CABIN1: variants seen among roughly 807,000 people sequenced by gnomAD.
CABIN1 encodes the protein calcineurin binding protein 1.
CABIN1 carries 133 observed loss-of-function variants against 227.7 expected under a neutral mutation model. That is an observed-to-expected ratio of 0.58 (90% CI 0.51 to 0.67). The LOEUF is 0.67. Among genes scored for constraint, CABIN1 ranks in the 30% least tolerant of loss-of-function variants. The pLI is 0.00. For synonymous variants in CABIN1, 1,086 were observed against 1,155.1 expected (o/e 0.94, Z 1.21); for missense variants, 2,408 against 2,852.5 (o/e 0.84, Z 3.55).
chr22:24,061,077 C>G (rs987349427), intron 12 of CABIN1, among the ~76,000 whole-genome samples: 1 of 152,172 alleles, frequency 6.6e-6, no homozygotes, highest in African/African-American at 2.4e-5. Context: ...GCCACCATGC[C>G]TGGCCTATGA....
chr22:24,014,534 A>C (rs997575904), intron 1 of CABIN1, among the ~76,000 whole-genome samples: 2 of 151,554 alleles, frequency 1.3e-5, no homozygotes, highest in African/African-American at 4.9e-5. Flanking sequence ...TCTTTAGCCT[A>C]TCCAGTCAAG....
chr22:24,042,015 A>C (rs1345588577), intron 5 of CABIN1, among the ~76,000 whole-genome samples: 3 of 152,218 alleles, frequency 2.0e-5, no homozygotes, highest in African/African-American at 7.2e-5. Context: ...GCAGTGGCAC[A>C]ATCAGGGCTC....
intron 1 of CABIN1, among the ~76,000 whole-genome samples, chr22:24,020,882 A>T (rs1188127431): frequency 6.6e-6 from 1 of 152,102 alleles, no homozygotes; most frequent in Non-Finnish European, 1.5e-5. Flanking sequence ...CTGGAGAAGA[A>T]TATATCATTT....
intron 29 of CABIN1, among the ~76,000 whole-genome samples, chr22:24,138,279 C>T (rs965925351): frequency 6.6e-6 from 1 of 152,240 alleles, no homozygotes; most frequent in Non-Finnish European, 1.5e-5. Context: ...ATTTAAGAGA[C>T]AGCATCGTGC....
At chr22:24,149,505 G>C (rs2045356928) in intron 29 of CABIN1, among the ~76,000 whole-genome samples, 1 of 152,250 alleles carries the variant, frequency 6.6e-6, no homozygotes, top group Admixed American at 6.5e-5. Flanking sequence ...AGGTCAGTGG[G>C]GGAGAAGGTG....
chr22:24,054,759 A>G, intron 8 of CABIN1, 114 bp from the exon 9 acceptor site: 2 of 1,305,632 alleles, frequency 1.5e-6, no homozygotes, highest in Admixed American at 1.7e-5. Flanking sequence ...CCCCATGGAC[A>G]TGGCAGCTCC....
At chr22:24,175,109 A>T (rs1275674876) in intron 34 of CABIN1, among the ~76,000 whole-genome samples, 1 of 152,210 alleles carries the variant, frequency 6.6e-6, no homozygotes, top group Non-Finnish European at 1.5e-5. Context: ...ATCCTTTTCT[A>T]TTCCCATTCC....
chr22:24,099,204 A>G (rs1249385546), intron 26 of CABIN1, among the ~76,000 whole-genome samples: 1 of 152,194 alleles, frequency 6.6e-6, no homozygotes, highest in Admixed American at 6.5e-5. Flanking sequence ...GTTCCTGGAT[A>G]TAGCATGGGC....
rs767751430 is a variant in CABIN1, at chr22:24,176,188, A to G, written c.6118A>G (p.Met2040Val). Residue 2040 changes from methionine to valine, a missense_variant, in exon 35 of 37, where the codon ATG becomes GTG. Physicochemically the swap from Met to Val is conservative, Grantham distance 21. Coordinates refer to ENST00000263119, the MANE Select transcript of CABIN1 (RefSeq NM_012295.4). The stretch of plus-strand genomic sequence containing the variant: ...GCCACGGCACAGTCCGCAGGTGAAG[A>G]TGGCCCCCACAAGTTCCCCGGCAGA... ...QEPRHSPQVK[M>V]APTSSPAEPH... 1.6e-5 allele frequency: 25 copies of G among 1,611,318 alleles called. No individual in the cohort carries two copies. The South Asian group carries it at 2.5e-4, about 16-fold the overall frequency.
intron 8 of CABIN1, among the ~76,000 whole-genome samples, chr22:24,054,448 G>A (rs1442506570): frequency 6.6e-6 from 1 of 152,188 alleles, no homozygotes; most frequent in Non-Finnish European, 1.5e-5. Flanking sequence ...TGTCCCTGTT[G>A]GCAGTCCCCC....
rs753925505 is a variant in CABIN1 at position 24,171,970 on chromosome 22, C to T, written c.6015C>T (p.Thr2005=). ...GPPRPHRPEA[T]PSMASLGPEG... The stretch of plus-strand genomic sequence containing the variant: ...CCCGGCCACACAGGCCTGAAGCTAC[C>T]CCCAGCATGGCCTCTCTGGGCCCAG... Residue 2005 remains threonine (T), a synonymous_variant, in exon 34 of 37, where the codon ACC becomes ACT. Coordinates refer to ENST00000263119, the MANE Select transcript of CABIN1 (RefSeq NM_012295.4). 2.5e-6 allele frequency: 4 copies of T among 1,612,734 alleles called. No individual in the cohort carries two copies. Among genetic ancestry groups the T allele is most frequent in the Admixed American group, 3.3e-5 (2 of 59,996 alleles).
In CABIN1 at chr22:24,050,938, C is replaced by G. The variant is rs376789330; in HGVS notation, c.770C>G (p.Pro257Arg). 6 of 1,614,172 alleles carry G rather than the reference C, an allele frequency of 3.7e-6. No homozygotes were observed. Among genetic ancestry groups the G allele is most frequent in the Non-Finnish European group, 5.1e-6 (6 of 1,180,036 alleles). The change falls in exon 8 of 37, where the codon CCG becomes CGG. Residue 257 changes from proline (P) to arginine (R), a missense_variant. This residue lies in a region of CABIN1 where 1,045 missense variants were observed against 1,168.4 expected (regional missense o/e 0.89). Transcript: ENST00000263119. The part of the protein sequence containing the change: ...RQALIVREKE[P>R]DLKLVQPIPF... ...GCGCTGATTGTGCGGGAGAAGGAGC[C>G]GGACCTGAAACTTGTGCAGCCCATT...
chr22:24,019,650 CTT>C (rs34361694), intron 1 of CABIN1, among the ~76,000 whole-genome samples: 1,250 of 86,966 alleles, frequency 0.014, 3 homozygotes, highest in African/African-American at 0.032. Flanking sequence ...TTTCTTTACC[CTT>C]TTTTTTTTTT....
At position 24,071,904 on chromosome 22, in the gene CABIN1, ACACAC is replaced by A. The variant is rs572651843; in HGVS notation, c.2476-445_2476-441del. Among the ~76,000 whole-genome samples the A allele has an allele frequency of 8.2e-4, 125 of 152,010 alleles. 1 individual carries two copies. The highest frequency in any genetic ancestry group is 2.8e-3 in the African/African-American group (118 of 41,434). ...ACTCCTTGCCCTCCCTGGGTGTTGGACACACCACAGCCACTCACTTGGAAACTTTC... is the reference window on the plus strand; with the variant it reads ...ACTCCTTGCCCTCCCTGGGTGTTGGACACAGCCACTCACTTGGAAACTTTC... On this transcript the variant is annotated intron_variant, in intron 17 of 36. Transcript: ENST00000263119.
chr22:24,077,286 G>T (rs533782764), intron 19 of CABIN1, among the ~76,000 whole-genome samples: 79 of 152,244 alleles, frequency 5.2e-4, no homozygotes, highest in African/African-American at 1.8e-3. Context: ...ATTAACTTTA[G>T]AGAGAGTAGG....
intron 28 of CABIN1, among the ~76,000 whole-genome samples, chr22:24,129,783 C>T (rs1387340674): frequency 1.3e-5 from 2 of 152,136 alleles, no homozygotes; most frequent in Non-Finnish European, 2.9e-5. Context: ...GGTGAGGTGG[C>T]ACCAGGTAGA....
intron 34 of CABIN1, among the ~76,000 whole-genome samples, chr22:24,172,787 G>C (rs1057208861): frequency 6.6e-6 from 1 of 152,148 alleles, no homozygotes; most frequent in Non-Finnish European, 1.5e-5. Context: ...CCCCTCGCTG[G>C]TCCTGACACC....
Position 24,176,141 on chromosome 22 carries a change from G to A in CABIN1, c.6071G>A (p.Gly2024Asp), listed in dbSNP as rs748795439. ...GAAGAGCTGGCGAGAGTGGCAGAGG[G>A]CACCAGCTTCCCGCCTCAGGAGCCA... Reference protein sequence around the residue: ...EGEELARVAEGTSFPPQEPRH... With the variant: ...EGEELARVAEDTSFPPQEPRH... Residue 2024 changes from glycine to aspartate, a missense_variant, in exon 35 of 37, where the codon GGC becomes GAC. Physicochemically the swap from Gly to Asp is moderately conservative, Grantham distance 94. Coordinates refer to ENST00000263119, the MANE Select transcript of CABIN1 (RefSeq NM_012295.4). The A allele has an allele frequency of 1.9e-6, 3 of 1,610,696 alleles. No individual in the cohort carries two copies. Among genetic ancestry groups the A allele is most frequent in the African/African-American group, 2.7e-5 (2 of 74,906 alleles).
At chr22:24,084,952 C>A in intron 21 of CABIN1, 54 bp from the exon 22 acceptor site, 1 of 1,609,720 alleles carries the variant, frequency 6.2e-7, no homozygotes, top group South Asian at 1.1e-5. Flanking sequence ...GTTTACTGGT[C>A]ACATCTGAGT....
Sources: gnomAD v4.1 joint callset for allele counts (sites outside exome capture counted in the v4.1 genomes callset) on GRCh38, gnomAD v4.1.1 for gene constraint, gnomAD v4.1.1 regional missense constraint, MANE v1.5 for transcripts, NCBI Gene and HGNC (gene_info 2026-07-23, HGNC 2026-07-21) for gene names.